Variants in SLC9C2 observed in about 807,000 individuals in gnomAD.
The protein encoded by SLC9C2 is sodium/hydrogen exchanger 11.
SLC9C2 carries 75 observed loss-of-function variants against 140.2 expected under a neutral mutation model. The observed-to-expected ratio is 0.53, with a 90% CI of 0.44 to 0.65. SLC9C2 has a LOEUF of 0.65. Among genes scored for constraint, SLC9C2 ranks in the 30% least tolerant of loss-of-function variants. The probability of loss-of-function intolerance (pLI) is 0.00; values close to 1 mark genes in which losing one functional copy is unlikely to be tolerated. For missense variants in SLC9C2, 1,074 were observed against 1,331.8 expected, an observed-to-expected ratio of 0.81 and a Z score of 3.01; for synonymous variants, 375 against 420.9, an observed-to-expected ratio of 0.89 and a Z score of 1.34.
chr1:173,528,723 C>A (rs1001840544), intron 18 of SLC9C2, among the ~76,000 whole-genome samples: 2 of 152,142 alleles, frequency 1.3e-5, no homozygotes, highest in Admixed American at 6.6e-5. Context: ...TTTTATGTAT[C>A]CACACATAAT....
chr1:173,594,448 A>C (rs1471604500), intron 4 of SLC9C2, among the ~76,000 whole-genome samples: 1 of 152,234 alleles, frequency 6.6e-6, no homozygotes, highest in Non-Finnish European at 1.5e-5. Context: ...TCAATTTAAA[A>C]TTACAATTTT....
intron 24 of SLC9C2, 130 bp downstream of exon 24, chr1:173,509,438 C>G (rs1659881508): frequency 1.4e-5 from 11 of 790,436 alleles, no homozygotes; most frequent in Non-Finnish European, 2.0e-5. Flanking sequence ...GAGTGAGCCT[C>G]TGTCTCAAAA....
At position 173,541,257 on chromosome 1, in the gene SLC9C2, A is replaced by T. The variant is rs530335589; in HGVS notation, c.1558-4218T>A. Among the ~76,000 whole-genome samples the T allele has an allele frequency of 9.8e-5, 15 of 152,342 alleles. No individual in the cohort carries two copies. The South Asian group carries it at 3.1e-3, about 32-fold the overall frequency. On this transcript the variant is annotated intron_variant, in intron 13 of 27. Coordinates refer to ENST00000367714, the MANE Select transcript of SLC9C2 (RefSeq NM_178527.4). ...TAAACCAACAAACATCAAAAGAGAC[A>T]AAGGCGGCCATTACATAATGGTAAA...
At chr1:173,601,401 G>A (rs1405320444) in intron 2 of SLC9C2, among the ~76,000 whole-genome samples, 1 of 152,136 alleles carries the variant, frequency 6.6e-6, no homozygotes, top group African/African-American at 2.4e-5. Context: ...TCCCATGAGA[G>A]GGCTTCTTGA....
chr1:173,595,872 C>T (rs1381915877), intron 4 of SLC9C2, among the ~76,000 whole-genome samples: 2 of 152,078 alleles, frequency 1.3e-5, no homozygotes, highest in Admixed American at 6.5e-5. Flanking sequence ...AATCACACCA[C>T]AACTAAGAAA....
At chr1:173,549,430 C>T (rs1212532026) in intron 11 of SLC9C2, among the ~76,000 whole-genome samples, 1 of 152,192 alleles carries the variant, frequency 6.6e-6, no homozygotes, top group African/African-American at 2.4e-5. Context: ...TGGCTAAGAC[C>T]ACACAAGGAG....
At position 173,532,803 on chromosome 1, in the gene SLC9C2, T is replaced by C. The variant is rs548013011; in HGVS notation, c.2163+806A>G. On this transcript the variant is annotated intron_variant, in intron 17 of 27. Transcript: ENST00000367714. The stretch of plus-strand genomic sequence containing the variant: ...GGTTCATGCCTGTAATCCCAGCACT[T>C]TGGGAGGCCGAAACAGGAGGATTGC... Among the ~76,000 whole-genome samples, 467 of 152,164 alleles carry C rather than the reference T, an allele frequency of 3.1e-3. 1 individual carries two copies. Among genetic ancestry groups the C allele is most frequent in the African/African-American group, 0.01 (430 of 41,516 alleles).
chr1:173,506,817 G>C (rs375253799), intron 25 of SLC9C2, 39 bp downstream of exon 25: 148 of 1,545,796 alleles, frequency 9.6e-5, no homozygotes, highest in Non-Finnish European at 1.3e-4. Context: ...TTGGAGCACC[G>C]TGAAGAGCAA....
chr1:173,518,107 A>T (rs948854893), intron 22 of SLC9C2, among the ~76,000 whole-genome samples: 1 of 152,140 alleles, frequency 6.6e-6, no homozygotes, highest in Non-Finnish European at 1.5e-5. Flanking sequence ...AAAAAAAAAT[A>T]CAAAAATTAG....
intron 18 of SLC9C2, among the ~76,000 whole-genome samples, chr1:173,527,156 T>C (rs1661261085): frequency 1.3e-5 from 2 of 152,178 alleles, no homozygotes; most frequent in South Asian, 4.1e-4. Flanking sequence ...GGCTTTCCTT[T>C]TAAATTCAGA....
chr1:173,576,921 G>A (rs1355117098), intron 7 of SLC9C2, among the ~76,000 whole-genome samples, 161 bp from the exon 8 acceptor site: 1 of 152,180 alleles, frequency 6.6e-6, no homozygotes, highest in Non-Finnish European at 1.5e-5. Context: ...ACCTGGGGCT[G>A]GCAAACTTTT....
rs1666804990 is a variant in SLC9C2 at position 173,601,867 on chromosome 1, G to T, written c.-79-12C>A. 6.7e-7 allele frequency: 1 copy of T among 1,489,190 alleles called. No individual in the cohort carries two copies. The highest frequency in any genetic ancestry group is 9.1e-7 in the Non-Finnish European group (1 of 1,103,230). 92.2% of individuals were successfully genotyped at this position (1,489,190 alleles called of 1,614,324 possible). On this transcript the variant is annotated splice_polypyrimidine_tract_variant and intron_variant, in intron 1 of 27. Coordinates refer to ENST00000367714, the MANE Select transcript of SLC9C2 (RefSeq NM_178527.4). ...TTCTGCATGCTAACCTGTATAGCAT[G>T]CAAAAAGAACATGAGACCTACCAAG...
chr1:173,571,127 C>T (rs761126853), intron 9 of SLC9C2, among the ~76,000 whole-genome samples: 6 of 152,164 alleles, frequency 3.9e-5, no homozygotes, highest in Non-Finnish European at 8.8e-5. Context: ...CATCAGCCAT[C>T]TTGCTCCATC....
At chr1:173,519,274 G>A (rs1660637888) in intron 22 of SLC9C2, among the ~76,000 whole-genome samples, 1 of 152,128 alleles carries the variant, frequency 6.6e-6, no homozygotes, top group African/African-American at 2.4e-5. Flanking sequence ...GTGGGCTCCA[G>A]CTGACAGCCT....
intron 23 of SLC9C2, among the ~76,000 whole-genome samples, chr1:173,516,841 T>C (rs1660457477): frequency 6.6e-6 from 1 of 152,220 alleles, no homozygotes; most frequent in African/African-American, 2.4e-5. Context: ...AGTAATGGGA[T>C]TGCTGGGTCA....
At chr1:173,528,618 A>C (rs911108775) in intron 18 of SLC9C2, among the ~76,000 whole-genome samples, 1 of 152,200 alleles carries the variant, frequency 6.6e-6, no homozygotes, top group Admixed American at 6.5e-5. Context: ...TCTTATTTCA[A>C]TAAGTAAAGA....
At chr1:173,557,953 T>A (rs1225230175) in intron 9 of SLC9C2, among the ~76,000 whole-genome samples, 1 of 152,046 alleles carries the variant, frequency 6.6e-6, no homozygotes, top group Admixed American at 6.5e-5. Context: ...ATAAAAAAAG[T>A]TTATTGAGCT....
chr1:173,601,662 C>T lies in SLC9C2; in HGVS notation c.115G>A (p.Val39Ile), dbSNP rs767697482. The change falls in exon 2 of 28, where the codon GTT (valine) becomes ATT (isoleucine). Residue 39 changes from valine to isoleucine, a missense_variant. Transcript: ENST00000367714. The part of the protein sequence containing the change: ...KHFTTLVCFI[V>I]VLGGLLKMCL... ...AACAACCACCTACCTCCCAAAACAA[C>T]AATGAAGCATACAAGCGTTGTGAAA... 1 of 1,613,540 alleles carries T rather than the reference C, an allele frequency of 6.2e-7. No individual in the cohort carries two copies. The highest frequency in any genetic ancestry group is 8.5e-7 in the Non-Finnish European group (1 of 1,179,800).
rs377766955 is a variant in SLC9C2 at position 173,560,632 on chromosome 1, A to C, written c.1047-3124T>G. 7.2e-5 allele frequency among the ~76,000 whole-genome samples: 11 copies of C among 152,042 alleles called. No individual in the cohort carries two copies. In the East Asian group the frequency reaches 1.9e-3, roughly 27 times the overall value. On this transcript the variant is annotated intron_variant, in intron 9 of 27. Transcript: ENST00000367714. ...CTTGCCCAATAAACCTTCTGCCAAC[A>C]ACTGTCCCAACCCTCCCTCTCAGAA...
Sources: allele counts gnomAD v4.1 joint callset (sites outside exome capture counted in the v4.1 genomes callset), GRCh38; gene constraint gnomAD v4.1.1; transcripts MANE v1.5; gene names NCBI Gene and HGNC (gene_info 2026-07-23, HGNC 2026-07-21).